Variants in PCDHGB2 observed in about 807,000 individuals in gnomAD.
The protein encoded by PCDHGB2 is protocadherin gamma subfamily B, 2.
PCDHGB2 carries 55 observed loss-of-function variants against 59.3 expected under a neutral mutation model. That is an observed-to-expected ratio of 0.93 (90% CI 0.75 to 1.16). The LOEUF (loss-of-function observed/expected upper bound fraction) is 1.16. PCDHGB2 is among the 50% of genes most tolerant of loss of function. The pLI, the probability that PCDHGB2 is intolerant of heterozygous loss-of-function variation, is 0.00. For synonymous variants in PCDHGB2, 516 were observed against 512.0 expected (o/e 1.01, Z -0.11); for missense variants, 1,228 against 1,198.5 (o/e 1.02, Z -0.36).
intron 3 of PCDHGB2, among the ~76,000 whole-genome samples, chr5:141,506,621 G>A (rs143369587): frequency 1.3e-5 from 2 of 152,178 alleles, no homozygotes; most frequent in African/African-American, 4.8e-5. Flanking sequence ...GTGTTACCAG[G>A]GCCAAATGCA....
At chr5:141,433,208 CTT>C (rs745329085) in intron 1 of PCDHGB2, 289 of 1,287,502 alleles carry the variant, frequency 2.2e-4, no homozygotes, top group South Asian at 2.8e-4. Context: ...AATCTTCTTT[CTT>C]TTTTTTTTTT....
intron 1 of PCDHGB2, chr5:141,398,456 C>A (rs1262009079): frequency 6.3e-7 from 1 of 1,590,134 alleles, no homozygotes; most frequent in Non-Finnish European, 8.6e-7. Context: ...GAGGCTGTTG[C>A]TGAAAATCCA....
intron 1 of PCDHGB2, chr5:141,423,091 G>GCGTAC (rs2096708211): frequency 2.5e-6 from 4 of 1,613,908 alleles, no homozygotes; most frequent in African/African-American, 2.7e-5. Context: ...CGCGGTGGGG[G>GCGTAC]AGCACACGGG....
At chr5:141,393,980 T>C (rs745601350) in intron 1 of PCDHGB2, 132 of 1,613,686 alleles carry the variant, frequency 8.2e-5, no homozygotes, top group Admixed American at 6.7e-5. Context: ...CACGTGATAA[T>C]TTACCTTTTA....
chr5:141,374,389 T>C (rs746806211), intron 1 of PCDHGB2: 1 of 1,614,028 alleles, frequency 6.2e-7, no homozygotes, highest in South Asian at 1.1e-5. Flanking sequence ...GCCCGCGGTG[T>C]CTGGTGAGTT....
At position 141,412,987 on chromosome 5, in the gene PCDHGB2, A is replaced by G. The variant is rs192699644; in HGVS notation, c.2421+50431A>G. The G allele has an allele frequency of 3.7e-3, 2,104 of 564,638 alleles. 8 individuals carry two copies. Among genetic ancestry groups the G allele is most frequent in the Admixed American group, 0.011 (308 of 27,526 alleles). 35.0% of individuals were successfully genotyped at this position (564,638 alleles called of 1,614,324 possible). ...AGGAGAGAAAACGCAGCCAGAGCTCAATCCGGATTCTCAGGGCTTCAACTA... is the reference window on the plus strand; with the variant it reads ...AGGAGAGAAAACGCAGCCAGAGCTCGATCCGGATTCTCAGGGCTTCAACTA... On this transcript the variant is annotated intron_variant, in intron 1 of 3. Transcript: ENST00000522605.
In PCDHGB2 at chr5:141,511,345, TCC is replaced by T; in HGVS notation, c.*178_*179del. 1 of 1,410,484 alleles carries T rather than the reference TCC, an allele frequency of 7.1e-7. No homozygotes were observed. The highest frequency in any genetic ancestry group is 9.4e-7 in the Non-Finnish European group (1 of 1,060,658). The allele number at this position is 1,410,484 out of a possible 1,614,324, so 87.4% of individuals were successfully genotyped here. On this transcript the variant is annotated 3_prime_UTR_variant, in exon 4 of 4. Coordinates refer to ENST00000522605, the MANE Select transcript of PCDHGB2 (RefSeq NM_018923.3). ...AAGTGCCCAGTCAGCACCTACCCCT[TCC>T]CCCCCAGGGGGTTGAATATGCAAAA... is the stretch of plus-strand genomic sequence containing the variant.
intron 1 of PCDHGB2, among the ~76,000 whole-genome samples, chr5:141,435,743 G>T (rs3805699): frequency 0.11 from 17,212 of 152,168 alleles, 1,160 homozygotes; most frequent in African/African-American, 0.18. Context: ...TCTTTGAAAA[G>T]CATTGCTTGA....
chr5:141,452,888 C>T (rs62379168), intron 1 of PCDHGB2, among the ~76,000 whole-genome samples: 13,856 of 152,130 alleles, frequency 0.091, 849 homozygotes, highest in African/African-American at 0.17. Flanking sequence ...TAATTTATTC[C>T]ACTTTTATTA....
At chr5:141,365,502 C>T (rs373907411) in intron 1 of PCDHGB2, 5 of 1,613,918 alleles carry the variant, frequency 3.1e-6, no homozygotes, top group East Asian at 2.2e-5. Context: ...AGGAATTTGC[C>T]TTTTAAATTG....
intron 2 of PCDHGB2, among the ~76,000 whole-genome samples, chr5:141,500,453 C>T (rs1403599390): frequency 6.6e-6 from 1 of 152,130 alleles, no homozygotes; most frequent in South Asian, 2.1e-4. Context: ...TCGTGATCCG[C>T]CCGCCTCGGC....
intron 1 of PCDHGB2, chr5:141,419,444 G>A: frequency 6.2e-7 from 1 of 1,613,088 alleles, no homozygotes; most frequent in Non-Finnish European, 8.5e-7. Context: ...GCGCACCTTC[G>A]AGCTCACGCT....
In PCDHGB2 at chr5:141,482,160, T is replaced by C. The variant is rs577572891; in HGVS notation, c.2422-12647T>C. Reference sequence around the variant, plus strand: ...GCATAAAAAGGTCAAGTCAAAGATATGTAAGATTAAGGCTTTACGATGCTC... The same window carrying C: ...GCATAAAAAGGTCAAGTCAAAGATACGTAAGATTAAGGCTTTACGATGCTC... On this transcript the variant is annotated intron_variant, in intron 1 of 3. Coordinates refer to ENST00000522605, the MANE Select transcript of PCDHGB2 (RefSeq NM_018923.3). 1.6e-4 allele frequency among the ~76,000 whole-genome samples: 25 copies of C among 151,966 alleles called. No homozygotes were observed. In the South Asian group the frequency reaches 4.0e-3, roughly 24 times the overall value.
intron 1 of PCDHGB2, chr5:141,405,569 A>G: frequency 1.7e-6 from 1 of 604,184 alleles, no homozygotes. Context: ...GGACTAGAGT[A>G]GAGTAGCTGG....
At chr5:141,453,351 C>A (rs1210851703) in intron 1 of PCDHGB2, among the ~76,000 whole-genome samples, 2 of 151,738 alleles carry the variant, frequency 1.3e-5, no homozygotes, top group Non-Finnish European at 2.9e-5. Flanking sequence ...CCAGGCTGAC[C>A]CTGAACTCCT....
chr5:141,444,237 T>G (rs1315900009), intron 1 of PCDHGB2, among the ~76,000 whole-genome samples: 1 of 137,132 alleles, frequency 7.3e-6, no homozygotes, highest in Admixed American at 8.0e-5. Flanking sequence ...AATGGCATGC[T>G]CTCGGCTCAC....
chr5:141,425,486 C>T (rs2096878743), intron 1 of PCDHGB2, among the ~76,000 whole-genome samples: 1 of 152,236 alleles, frequency 6.6e-6, no homozygotes, highest in African/African-American at 2.4e-5. Context: ...TGGCAACCTA[C>T]TAGGCTATAC....
chr5:141,425,530 A>G (rs1485711838), intron 1 of PCDHGB2, among the ~76,000 whole-genome samples: 1 of 152,246 alleles, frequency 6.6e-6, no homozygotes, highest in Non-Finnish European at 1.5e-5. Flanking sequence ...ACATGAAACA[A>G]TAATCCTTTT....
chr5:141,388,412 T>A, intron 1 of PCDHGB2: 1 of 1,613,870 alleles, frequency 6.2e-7, no homozygotes, highest in Non-Finnish European at 8.5e-7. Context: ...GTCCCAGTGA[T>A]CATTTCTCAC....
Sources: allele counts gnomAD v4.1 joint callset (sites outside exome capture counted in the v4.1 genomes callset), GRCh38; gene constraint gnomAD v4.1.1; transcripts MANE v1.5; gene names NCBI Gene and HGNC (gene_info 2026-07-23, HGNC 2026-07-21).